ARID2: variants seen among roughly 807,000 people sequenced by gnomAD.
ARID2 encodes AT-rich interactive domain-containing protein 2.
ARID2 carries 32 observed loss-of-function variants against 184.6 expected under a neutral mutation model. That is an observed-to-expected ratio of 0.17 (90% CI 0.13 to 0.23). The LOEUF (loss-of-function observed/expected upper bound fraction) is 0.23. Among genes scored for constraint, ARID2 ranks in the 10% least tolerant of loss-of-function variants. The pLI is 1.00. For synonymous variants in ARID2, 836 were observed against 772.6 expected (o/e 1.08, Z -1.36); for missense variants, 1,696 against 2,197.6 (o/e 0.77, Z 4.56).
At chr12:45,771,353 T>G in intron 3 of ARID2, among the ~76,000 whole-genome samples, 2 of 129,906 alleles carry the variant, frequency 1.5e-5, no homozygotes, top group African/African-American at 6.8e-5. Context: ...TGAGAGTCCA[T>G]GTCAAAAAAA....
At chr12:45,858,254 A>C in intron 15 of ARID2, among the ~76,000 whole-genome samples, 1 of 152,098 alleles carries the variant, frequency 6.6e-6, no homozygotes, top group East Asian at 1.9e-4. Flanking sequence ...ACAGCTACTC[A>C]GGAGGCTGAG....
intron 3 of ARID2, among the ~76,000 whole-genome samples, chr12:45,784,194 T>G (rs1050427790): frequency 6.6e-6 from 1 of 152,060 alleles, no homozygotes; most frequent in Admixed American, 6.6e-5. Context: ...TATTTAGTTA[T>G]TTATTTTTAG....
At chr12:45,786,335 A>G (rs747762608) in intron 3 of ARID2, among the ~76,000 whole-genome samples, 29 of 152,362 alleles carry the variant, frequency 1.9e-4, no homozygotes, top group Middle Eastern at 3.4e-3. Context: ...TATGGTGACT[A>G]GTCTTTAAGC....
intron 3 of ARID2, among the ~76,000 whole-genome samples, chr12:45,786,092 G>A (rs1942192386): frequency 6.6e-6 from 1 of 152,180 alleles, no homozygotes; most frequent in African/African-American, 2.4e-5. Flanking sequence ...CTAAGGGACT[G>A]AAAGTTACAG....
intron 11 of ARID2, 63 bp downstream of exon 11, chr12:45,839,559 A>G (rs2138138169): frequency 6.5e-7 from 1 of 1,527,256 alleles, no homozygotes; most frequent in Non-Finnish European, 8.8e-7. Flanking sequence ...GATCCTAAGA[A>G]TAAATTTCAA....
intron 16 of ARID2, among the ~76,000 whole-genome samples, chr12:45,890,264 C>T (rs2138229458): frequency 6.6e-6 from 1 of 152,280 alleles, no homozygotes; most frequent in Admixed American, 6.5e-5. Flanking sequence ...AAGTGCTATC[C>T]TTTTTCCTAT....
intron 3 of ARID2, among the ~76,000 whole-genome samples, chr12:45,802,115 G>T (rs950501605): frequency 2.2e-5 from 3 of 135,956 alleles, no homozygotes; most frequent in South Asian, 2.3e-4. Context: ...TGCCAAGGCT[G>T]GAGTGCAGTG....
At chr12:45,884,586 G>T (rs1944156999) in intron 16 of ARID2, among the ~76,000 whole-genome samples, 1 of 152,152 alleles carries the variant, frequency 6.6e-6, no homozygotes, top group South Asian at 2.1e-4. Flanking sequence ...TGTAAAATAA[G>T]TGACTGCTTC....
At chr12:45,855,859 C>T (rs2138186229) in intron 15 of ARID2, among the ~76,000 whole-genome samples, 1 of 151,756 alleles carries the variant, frequency 6.6e-6, no homozygotes, top group Admixed American at 6.6e-5. Context: ...TAGCTGGGAG[C>T]ACAGGCATGT....
chr12:45,787,287 G>A (rs776585553), intron 3 of ARID2, among the ~76,000 whole-genome samples: 2 of 150,642 alleles, frequency 1.3e-5, no homozygotes, highest in Non-Finnish European at 3.0e-5. Flanking sequence ...GCACAATCGC[G>A]GCTCACTATA....
intron 15 of ARID2, 79 bp from the exon 16 acceptor site, chr12:45,860,722 C>A: frequency 1.6e-6 from 2 of 1,221,106 alleles, no homozygotes; most frequent in South Asian, 6.9e-5. Flanking sequence ...ACAACATAAT[C>A]AAATTTATAA....
chr12:45,876,193 C>G (rs1944005184), intron 16 of ARID2, among the ~76,000 whole-genome samples: 3 of 152,150 alleles, frequency 2.0e-5, no homozygotes, highest in Admixed American at 2.0e-4. Context: ...AATGGTGTAT[C>G]AGGGAGCCCT....
intron 6 of ARID2, among the ~76,000 whole-genome samples, chr12:45,826,889 G>A (rs1425369557): frequency 6.6e-6 from 1 of 151,942 alleles, no homozygotes; most frequent in Non-Finnish European, 1.5e-5. Context: ...GTTTTATTCA[G>A]AATTTAATTT....
At chr12:45,801,582 A>G (rs1384475489) in intron 3 of ARID2, among the ~76,000 whole-genome samples, 1 of 152,196 alleles carries the variant, frequency 6.6e-6, no homozygotes, top group Non-Finnish European at 1.5e-5. Flanking sequence ...CTTAATATAT[A>G]CACTAGGGTA....
chr12:45,876,557 A>T (rs1944012017), intron 16 of ARID2, among the ~76,000 whole-genome samples: 1 of 139,418 alleles, frequency 7.2e-6, no homozygotes, highest in African/African-American at 2.6e-5. Context: ...ATCTCAAAAA[A>T]AGAAAAAAAA....
At chr12:45,746,455 T>TA (rs1941356611) in intron 3 of ARID2, among the ~76,000 whole-genome samples, 1 of 152,096 alleles carries the variant, frequency 6.6e-6, no homozygotes. Flanking sequence ...GGTAGGGAGA[T>TA]ATGTTTTAAA....
intron 3 of ARID2, among the ~76,000 whole-genome samples, chr12:45,780,347 C>T (rs184783643): frequency 6.6e-6 from 1 of 152,226 alleles, no homozygotes; most frequent in Admixed American, 6.5e-5. Context: ...TAAAGAATGA[C>T]TTCTGCCTTT....
chr12:45,812,767 G>A (rs577032492), intron 4 of ARID2, among the ~76,000 whole-genome samples: 34 of 152,212 alleles, frequency 2.2e-4, no homozygotes, highest in African/African-American at 5.5e-4. Context: ...CTCCTACATC[G>A]AATGAGATGT....
intron 3 of ARID2, among the ~76,000 whole-genome samples, chr12:45,734,561 GAT>G: frequency 6.7e-6 from 1 of 148,498 alleles, no homozygotes; most frequent in African/African-American, 2.5e-5. Flanking sequence ...TGTAGATGGA[GAT>G]ATTAAAGTGC....
Sources: gnomAD v4.1 joint callset for allele counts (sites outside exome capture counted in the v4.1 genomes callset) on GRCh38, gnomAD v4.1.1 for gene constraint, MANE v1.5 for transcripts, NCBI Gene and HGNC (gene_info 2026-07-23, HGNC 2026-07-21) for gene names.